Variants in TNKS observed in about 807,000 individuals in gnomAD.
TNKS encodes tankyrase, also known as poly [ADP-ribose] polymerase tankyrase-1.
In TNKS, 72 loss-of-function variants were observed where a neutral mutation model predicts 135.8. The observed-to-expected ratio is 0.53, with a 90% CI of 0.44 to 0.64. The LOEUF (loss-of-function observed/expected upper bound fraction) is 0.64, where lower values mean the gene tolerates loss of function less well. Among genes scored for constraint, TNKS ranks in the 30% least tolerant of loss-of-function variants. The pLI is 0.00. For synonymous variants in TNKS, 849 were observed against 649.3 expected, an observed-to-expected ratio of 1.31 and a Z score of -4.68; for missense variants, 1,769 against 1,674.0, an observed-to-expected ratio of 1.06 and a Z score of -0.99.
rs1554476739 is a variant in TNKS at position 9,717,103 on chromosome 8, T to TATATATATA, written c.1750-3271_1750-3270insATATATATA. Among the ~76,000 whole-genome samples the TATATATATA allele has an allele frequency of 4.7e-3, 186 of 39,284 alleles. 5 individuals are homozygous for TATATATATA. The highest frequency in any genetic ancestry group is 0.012 in the African/African-American group (155 of 12,438). The allele number at this position is 39,284 out of a possible 152,430, so 25.8% of individuals were successfully genotyped here. A position where few individuals can be genotyped will look rare whatever the true frequency, so the allele number is the denominator to read the frequency against. On this transcript the variant is annotated intron_variant, in intron 11 of 26. Coordinates refer to ENST00000310430, the MANE Select transcript of TNKS (RefSeq NM_003747.3). ...TATATATATATATATATATATATAT[T>TATATATATA]TTCAGGGAATTTGATTGTTTCTTTT...
At chr8:9,651,041 C>T (rs1384862841) in intron 3 of TNKS, among the ~76,000 whole-genome samples, 1 of 10,664 alleles carries the variant, frequency 9.4e-5, no homozygotes, top group Non-Finnish European at 8.9e-4. Flanking sequence ...TGTGCCTTGC[C>T]AATTATACCA....
chr8:9,570,118 A>T (rs2129051228), intron 1 of TNKS, among the ~76,000 whole-genome samples: 1 of 152,274 alleles, frequency 6.6e-6, no homozygotes, highest in Admixed American at 6.5e-5. Context: ...TTTTAAGCAG[A>T]TGCCAGGTGT....
At position 9,720,678 on chromosome 8, in the gene TNKS, C is replaced by G. The variant is rs552834172; in HGVS notation, c.1921+133C>G. 5.0e-6 allele frequency: 5 copies of G among 1,004,624 alleles called. No individual in the cohort carries two copies. In the East Asian group the frequency reaches 1.4e-4, roughly 28 times the overall value. 62.2% of individuals were successfully genotyped at this position (1,004,624 alleles called of 1,614,324 possible). ...CTTTTCTTGCAATTTAGCCTGTGGA[C>G]TTCCCCATCTCCCTTTTTTGGTAGG... On this transcript the variant is annotated intron_variant, in intron 12 of 26. Coordinates refer to ENST00000310430, the MANE Select transcript of TNKS (RefSeq NM_003747.3).
Position 9,728,808 on chromosome 8 carries a change from T to A in TNKS, c.2002-2082T>A, listed in dbSNP as rs529243409. 4.6e-5 allele frequency among the ~76,000 whole-genome samples: 7 copies of A among 152,192 alleles called. No individual in the cohort carries two copies. The South Asian group carries it at 1.5e-3, about 32-fold the overall frequency. On this transcript the variant is annotated intron_variant, in intron 13 of 26. Coordinates refer to ENST00000310430, the MANE Select transcript of TNKS (RefSeq NM_003747.3). ...GAGGCTGGTGCATTTCCGTATAGAG[T>A]TGATGAAACTGTGAACTCGCCTTTA...
At chr8:9,739,897 G>A (rs1320076158) in intron 17 of TNKS, among the ~76,000 whole-genome samples, 18 of 61,926 alleles carry the variant, frequency 2.9e-4, no homozygotes, top group Non-Finnish European at 5.5e-4. Context: ...ACACTCTGGG[G>A]ACTGTGGTGA....
intron 13 of TNKS, 99 bp from the exon 14 acceptor site, chr8:9,730,791 T>A: frequency 7.5e-7 from 1 of 1,332,524 alleles, no homozygotes; most frequent in Non-Finnish European, 1.0e-6. Context: ...TAGACAATTA[T>A]AATTTACTTA....
intron 2 of TNKS, among the ~76,000 whole-genome samples, chr8:9,585,325 C>A (rs771870736): frequency 5.9e-5 from 9 of 151,726 alleles, no homozygotes; most frequent in Non-Finnish European, 1.3e-4. Context: ...TTAAACCTTA[C>A]ACGTGATATG....
chr8:9,692,817 G>T (rs1803340910), intron 5 of TNKS, among the ~76,000 whole-genome samples: 1 of 152,130 alleles, frequency 6.6e-6, no homozygotes, highest in Admixed American at 6.5e-5. Flanking sequence ...ACTTCAATGA[G>T]AGTGCCTGAT....
chr8:9,651,407 A>G (rs1341358546), intron 3 of TNKS, among the ~76,000 whole-genome samples: 1 of 152,210 alleles, frequency 6.6e-6, no homozygotes, highest in South Asian at 2.1e-4. Flanking sequence ...AAAGACCACC[A>G]GAAACATATC....
At chr8:9,684,909 T>G (rs1456268232) in intron 5 of TNKS, among the ~76,000 whole-genome samples, 2 of 152,172 alleles carry the variant, frequency 1.3e-5, no homozygotes, top group Admixed American at 1.3e-4. Flanking sequence ...GTATTCCTTT[T>G]GCGGTGATAC....
intron 12 of TNKS, among the ~76,000 whole-genome samples, chr8:9,722,084 A>G (rs1055600122): frequency 4.6e-5 from 7 of 151,908 alleles, no homozygotes; most frequent in Non-Finnish European, 8.8e-5. Context: ...AGAAAAGAAA[A>G]AAATGCCCTA....
At chr8:9,581,667 G>A (rs1393695202) in intron 2 of TNKS, among the ~76,000 whole-genome samples, 1 of 152,142 alleles carries the variant, frequency 6.6e-6, no homozygotes, top group Admixed American at 6.5e-5. Context: ...ACAGCCACTG[G>A]ATTTTTCTCA....
At chr8:9,595,867 C>CT (rs200444241) in intron 2 of TNKS, among the ~76,000 whole-genome samples, 1,968 of 152,236 alleles carry the variant, frequency 0.013, 18 homozygotes, top group African/African-American at 0.03. Context: ...AATCTTGGCA[C>CT]TTTGGGAGGC....
intron 3 of TNKS, among the ~76,000 whole-genome samples, chr8:9,677,022 G>A (rs1802570100): frequency 6.6e-6 from 1 of 152,160 alleles, no homozygotes; most frequent in Admixed American, 6.5e-5. Flanking sequence ...TAAGATGAAA[G>A]AGAACTGGTG....
At chr8:9,673,578 G>C (rs1802403066) in intron 3 of TNKS, among the ~76,000 whole-genome samples, 1 of 151,280 alleles carries the variant, frequency 6.6e-6, no homozygotes, top group South Asian at 2.1e-4. Flanking sequence ...CGAATAGATG[G>C]GATTACAGGC....
chr8:9,743,517 G>T (rs565485492), intron 17 of TNKS: 21 of 152,274 alleles, frequency 1.4e-4, no homozygotes, highest in African/African-American at 5.1e-4. Context: ...ATGATTAAAT[G>T]AGACCATGCA....
chr8:9,654,211 G>A (rs910318196), intron 3 of TNKS, among the ~76,000 whole-genome samples: 2 of 152,170 alleles, frequency 1.3e-5, no homozygotes, highest in African/African-American at 4.8e-5. Flanking sequence ...ATAGAGGAGA[G>A]CAATTCCCCA....
At chr8:9,699,380 T>C (rs1427037752) in intron 5 of TNKS, among the ~76,000 whole-genome samples, 2 of 152,212 alleles carry the variant, frequency 1.3e-5, no homozygotes, top group East Asian at 1.9e-4. Flanking sequence ...ATTTGGTAAA[T>C]AGCAGTTGTA....
intron 3 of TNKS, among the ~76,000 whole-genome samples, chr8:9,668,099 C>T (rs1045221438): frequency 6.6e-6 from 1 of 152,152 alleles, no homozygotes; most frequent in African/African-American, 2.4e-5. Context: ...AAAGTAATCA[C>T]CCGTGTGAAC....
Sources: allele counts gnomAD v4.1 joint callset (sites outside exome capture counted in the v4.1 genomes callset), GRCh38; gene constraint gnomAD v4.1.1; transcripts MANE v1.5; gene names NCBI Gene and HGNC (gene_info 2026-07-23, HGNC 2026-07-21).